DNAH14: variants seen among roughly 807,000 people sequenced by gnomAD.
The protein encoded by DNAH14 is axonemal beta dynein heavy chain 14.
A neutral mutation model predicts 520.9 loss-of-function variants in DNAH14; 478 were observed. That is an observed-to-expected ratio of 0.92 (90% CI 0.85 to 0.99). The LOEUF is 0.99. DNAH14 is among the 50% of genes least tolerant of loss of function. The probability of loss-of-function intolerance (pLI) is 0.00; values close to 1 mark genes in which losing one functional copy is unlikely to be tolerated. For missense variants in DNAH14, 4,831 were observed against 5,234.5 expected, an observed-to-expected ratio of 0.92 and a Z score of 2.38; for synonymous variants, 1,581 against 1,757.2, an observed-to-expected ratio of 0.90 and a Z score of 2.51.
intron 77 of DNAH14, 82 bp downstream of exon 77, chr1:225,368,114 G>A (rs2150610775): frequency 1.7e-6 from 2 of 1,205,332 alleles, no homozygotes; most frequent in Non-Finnish European, 2.3e-6. Flanking sequence ...CTACACAAAT[G>A]TGAGTGTTTT....
At chr1:224,943,473 G>T (rs966691224) in intron 1 of DNAH14, among the ~76,000 whole-genome samples, 4 of 152,030 alleles carry the variant, frequency 2.6e-5, no homozygotes, top group Admixed American at 1.3e-4. Flanking sequence ...TTTTTGAAGG[G>T]TTTTTTGTGT....
intron 36 of DNAH14, among the ~76,000 whole-genome samples, chr1:225,174,167 C>T (rs114996930): frequency 0.026 from 4,014 of 152,020 alleles, 158 homozygotes; most frequent in African/African-American, 0.08. Flanking sequence ...TATTAAATGA[C>T]GAGTCGATGG....
At position 225,207,139 on chromosome 1, in the gene DNAH14, G is replaced by A. The variant is rs2087680577; in HGVS notation, c.6358G>A (p.Asp2120Asn). The A allele has an allele frequency of 6.4e-7, 1 of 1,550,920 alleles. No individual in the cohort carries two copies. The highest frequency in any genetic ancestry group is 1.2e-5 in the South Asian group (1 of 83,946). The change falls in exon 41 of 86, where the codon GAC becomes AAC. Residue 2120 changes from aspartate (D) to asparagine (N), a missense_variant. Transcript: ENST00000682510. ...GAAATTTCAGCCATATCCTATGGAGGACATAACAGTCGTCATAACCCTCTG... is the reference window on the plus strand; with the variant it reads ...GAAATTTCAGCCATATCCTATGGAGAACATAACAGTCGTCATAACCCTCTG... ...RQKFQPYPME[D>N]ITVVITLCRI...
At chr1:225,131,569 G>C (rs1320139575) in intron 27 of DNAH14, among the ~76,000 whole-genome samples, 2 of 152,118 alleles carry the variant, frequency 1.3e-5, no homozygotes, top group African/African-American at 4.8e-5. Flanking sequence ...AGATAATCCA[G>C]AATAATCTCT....
intron 36 of DNAH14, among the ~76,000 whole-genome samples, chr1:225,179,066 T>G (rs2083666554): frequency 6.6e-6 from 1 of 152,240 alleles, no homozygotes; most frequent in African/African-American, 2.4e-5. Context: ...GTAACTCCAA[T>G]TAAACCTCTT....
chr1:225,397,163 G>A (rs1028706088), intron 84 of DNAH14: 2 of 152,248 alleles, frequency 1.3e-5, no homozygotes, highest in Non-Finnish European at 2.9e-5. Flanking sequence ...ATTTTTAGTA[G>A]AGACGGGGTT....
chr1:224,952,237 A>G (rs1016830175), intron 1 of DNAH14, among the ~76,000 whole-genome samples: 23 of 152,182 alleles, frequency 1.5e-4, no homozygotes, highest in African/African-American at 5.3e-4. Context: ...GAAGAACGCT[A>G]GTAGTATATG....
At chr1:225,259,489 T>C (rs2092857857) in intron 46 of DNAH14, among the ~76,000 whole-genome samples, 1 of 152,184 alleles carries the variant, frequency 6.6e-6, no homozygotes, top group South Asian at 2.1e-4. Context: ...ATGTGATGCT[T>C]TGATGTATAT....
chr1:225,087,935 A>G (rs1057418209), intron 21 of DNAH14, among the ~76,000 whole-genome samples: 1 of 152,166 alleles, frequency 6.6e-6, no homozygotes. Flanking sequence ...CAGAACAGAA[A>G]ACCTCCTAAT....
intron 64 of DNAH14, among the ~76,000 whole-genome samples, chr1:225,327,861 T>G (rs888119475): frequency 4.0e-5 from 6 of 150,100 alleles, no homozygotes; most frequent in Admixed American, 6.6e-5. Flanking sequence ...AAGAAAGAAT[T>G]TCTAGACTTC....
chr1:225,071,165 A>C (rs969193952), intron 17 of DNAH14, among the ~76,000 whole-genome samples: 7 of 152,120 alleles, frequency 4.6e-5, no homozygotes, highest in South Asian at 4.1e-4. Context: ...TAATTGGGAC[A>C]CTTAGTCCGT....
intron 54 of DNAH14, among the ~76,000 whole-genome samples, chr1:225,287,471 A>G (rs2093774213): frequency 6.6e-6 from 1 of 152,232 alleles, no homozygotes; most frequent in Admixed American, 6.5e-5. Flanking sequence ...GCAGAGCTAA[A>G]CAAGGGAAAG....
Position 225,079,561 on chromosome 1 carries a change from G to T in DNAH14, c.2766+13G>T. 6.7e-7 allele frequency: 1 copy of T among 1,493,298 alleles called. No homozygotes were observed. 92.5% of individuals were successfully genotyped at this position (1,493,298 alleles called of 1,614,324 possible). On this transcript the variant is annotated intron_variant, in intron 18 of 85. Transcript: ENST00000682510. Reference sequence around the variant, plus strand: ...TTTAAAAGCCAAGGTAAGTTTTTAGGGTTTTTTTGGATTTTTTTTTTATTA... The same window carrying T: ...TTTAAAAGCCAAGGTAAGTTTTTAGTGTTTTTTTGGATTTTTTTTTTATTA...
intron 8 of DNAH14, among the ~76,000 whole-genome samples, chr1:224,977,327 G>C (rs978819708): frequency 7.4e-6 from 1 of 135,152 alleles, no homozygotes; most frequent in African/African-American, 2.7e-5. Context: ...TCACACTCTG[G>C]GGACTGTTGT....
chr1:225,157,077 G>C (rs2149124535), intron 34 of DNAH14, among the ~76,000 whole-genome samples: 1 of 152,292 alleles, frequency 6.6e-6, no homozygotes, highest in South Asian at 2.1e-4. Context: ...GGATTAAAAA[G>C]TGAATATGTC....
chr1:225,117,009 T>C (rs1200098443), intron 23 of DNAH14, among the ~76,000 whole-genome samples: 1 of 152,084 alleles, frequency 6.6e-6, no homozygotes, highest in African/African-American at 2.4e-5. Context: ...GAGGGCTTCT[T>C]ATATTGTTAT....
chr1:225,304,777 C>T (rs975629048), intron 57 of DNAH14, 131 bp from the exon 58 acceptor site: 23 of 862,900 alleles, frequency 2.7e-5, no homozygotes, highest in Admixed American at 7.1e-5. Context: ...CCTGCTCATC[C>T]GGGAGCTCTC....
At chr1:225,136,782 T>C (rs1211751881) in intron 27 of DNAH14, among the ~76,000 whole-genome samples, 1 of 152,242 alleles carries the variant, frequency 6.6e-6, no homozygotes, top group Non-Finnish European at 1.5e-5. Context: ...CTGTTTCAGG[T>C]ACCCCAGTCA....
intron 64 of DNAH14, among the ~76,000 whole-genome samples, chr1:225,330,527 A>C (rs551582126): frequency 1.3e-5 from 2 of 152,338 alleles, no homozygotes; most frequent in Admixed American, 1.3e-4. Context: ...AGTGGAGGTC[A>C]TTATGCTAAG....
Sources: gnomAD v4.1 joint callset for allele counts (sites outside exome capture counted in the v4.1 genomes callset) on GRCh38, gnomAD v4.1.1 for gene constraint, MANE v1.5 for transcripts, NCBI Gene and HGNC (gene_info 2026-07-23, HGNC 2026-07-21) for gene names.